ITGAM: variants seen among roughly 807,000 people sequenced by gnomAD.
ITGAM encodes integrin subunit alpha M.
Under a neutral mutation model 137.5 loss-of-function variants are expected in ITGAM, and 79 were observed. That is an observed-to-expected ratio of 0.57 (90% CI 0.48 to 0.69). The LOEUF is 0.69. ITGAM is among the 30% of genes least tolerant of loss of function. The probability of loss-of-function intolerance (pLI) is 0.00; values close to 1 mark genes in which losing one functional copy is unlikely to be tolerated. For missense variants in ITGAM, 1,343 were observed against 1,483.5 expected (o/e 0.91, Z 1.56); for synonymous variants, 583 against 592.3 (o/e 0.98, Z 0.23).
chr16:31,273,388 A>G lies in ITGAM; in HGVS notation c.728A>G (p.Asn243Ser), dbSNP rs757920017. The change falls in exon 8 of 30, where the codon AAC becomes AGC. Residue 243 changes from asparagine to serine, a missense_variant. Transcript: ENST00000544665. ...KVVRELFNIT[N>S]GARKNAFKIL... Reference sequence around the variant, plus strand: ...AGACGAGAGCTGTTTAACATCACCAACGGAGCCCGAAAGAATGCCTTTAAG... The same window carrying G: ...AGACGAGAGCTGTTTAACATCACCAGCGGAGCCCGAAAGAATGCCTTTAAG... 1.2e-6 allele frequency: 2 copies of G among 1,613,800 alleles called. No homozygotes were observed. The highest frequency in any genetic ancestry group is 1.7e-6 in the Non-Finnish European group (2 of 1,179,850).
chr16:31,275,465 C>A, intron 8 of ITGAM, 84 bp from the exon 9 acceptor site: 2 of 1,382,762 alleles, frequency 1.4e-6, no homozygotes, highest in Non-Finnish European at 1.0e-6. Flanking sequence ...AATAATGGTT[C>A]AGACTAGTTT....
chr16:31,270,130 C>CTT lies in ITGAM; in HGVS notation c.428-823_428-822insTT, dbSNP rs770982735. ...CCTTCCTTCCTTCCTTCCTTCCTTC[C>CTT]TCCTTTGCTTTCCTTTCCTTTCCTT... On this transcript the variant is annotated intron_variant, in intron 5 of 29. Coordinates refer to ENST00000544665, the MANE Select transcript of ITGAM (RefSeq NM_000632.4). 3.4e-3 allele frequency among the ~76,000 whole-genome samples: 303 copies of CTT among 90,390 alleles called. 4 individuals carry two copies. Among genetic ancestry groups the CTT allele is most frequent in the African/African-American group, 8.2e-3 (191 of 23,344 alleles). The allele number at this position is 90,390 out of a possible 152,430, so 59.3% of individuals were successfully genotyped here. A position where few individuals can be genotyped will look rare whatever the true frequency, so the allele number is the denominator to read the frequency against.
chr16:31,296,457 AC>A (rs150084426), intron 12 of ITGAM, among the ~76,000 whole-genome samples: 2,237 of 152,216 alleles, frequency 0.015, 69 homozygotes, highest in African/African-American at 0.051. Flanking sequence ...AAAACTATGT[AC>A]TAAAAGGCTG....
intron 14 of ITGAM, among the ~76,000 whole-genome samples, chr16:31,306,459 C>T (rs772429886): frequency 2.6e-5 from 4 of 151,662 alleles, no homozygotes; most frequent in Admixed American, 2.6e-4. Context: ...ACATATAACA[C>T]TCAAACCTTC....
chr16:31,307,297 T>A (rs1232409789), intron 14 of ITGAM, among the ~76,000 whole-genome samples: 1 of 152,194 alleles, frequency 6.6e-6, no homozygotes, highest in African/African-American at 2.4e-5. Flanking sequence ...TGTTCTTCCA[T>A]TTGTTTGTAT....
intron 2 of ITGAM, among the ~76,000 whole-genome samples, chr16:31,262,505 C>G (rs1225501339): frequency 6.6e-6 from 1 of 151,872 alleles, no homozygotes; most frequent in Admixed American, 6.6e-5. Flanking sequence ...TGGGCTCAAG[C>G]AATCCTCCCA....
intron 1 of ITGAM, among the ~76,000 whole-genome samples, chr16:31,260,997 T>TAAG (rs979505626): frequency 6.6e-6 from 1 of 152,230 alleles, no homozygotes; most frequent in Non-Finnish European, 1.5e-5. Flanking sequence ...TCTTGTTATA[T>TAAG]AAGTACTTGT....
At chr16:31,316,434 G>T (rs187013903) in intron 14 of ITGAM, among the ~76,000 whole-genome samples, 34 of 151,900 alleles carry the variant, frequency 2.2e-4, no homozygotes, top group Admixed American at 5.9e-4. Flanking sequence ...AAATGCATGG[G>T]TTCATTTCTG....
chr16:31,269,701 G>T (rs2079807648), intron 5 of ITGAM, among the ~76,000 whole-genome samples: 2 of 152,326 alleles, frequency 1.3e-5, no homozygotes, highest in Admixed American at 1.3e-4. Context: ...AAGCAGGTCT[G>T]TTGCCACCCC....
At chr16:31,277,871 C>G in intron 11 of ITGAM, 96 bp from the exon 12 acceptor site, 1 of 1,274,762 alleles carries the variant, frequency 7.8e-7, no homozygotes, top group South Asian at 1.5e-5. Flanking sequence ...ACACAGCAAG[C>G]GTGGGGCTGC....
At chr16:31,276,341 T>G (rs1259448063) in intron 9 of ITGAM, among the ~76,000 whole-genome samples, 1 of 151,118 alleles carries the variant, frequency 6.6e-6, no homozygotes, top group Non-Finnish European at 1.5e-5. Flanking sequence ...TTTCTTTCTA[T>G]TTTTTTTTGA....
intron 14 of ITGAM, among the ~76,000 whole-genome samples, chr16:31,311,688 G>T (rs541148973): frequency 2.6e-5 from 4 of 152,296 alleles, no homozygotes; most frequent in African/African-American, 9.6e-5. Flanking sequence ...CTGTTGGTGG[G>T]ACTGTAAACT....
intron 14 of ITGAM, among the ~76,000 whole-genome samples, chr16:31,314,271 T>C (rs533607010): frequency 3.0e-4 from 45 of 152,212 alleles, no homozygotes; most frequent in Non-Finnish European, 5.6e-4. Context: ...TTGTTGCAAT[T>C]GCTTTTGGTG....
chr16:31,261,634 A>G (rs1270828004), intron 1 of ITGAM, 58 bp from the exon 2 acceptor site: 1 of 1,108,990 alleles, frequency 9.0e-7, no homozygotes, highest in East Asian at 2.5e-5. Context: ...CTAGGACTAC[A>G]GCCCCTAACT....
At chr16:31,297,431 C>G (rs2080145295) in intron 12 of ITGAM, 83 bp from the exon 13 acceptor site, 1 of 1,562,966 alleles carries the variant, frequency 6.4e-7, no homozygotes, top group African/African-American at 1.4e-5. Context: ...CCCCAGCAGG[C>G]ATAACTTTTC....
chr16:31,271,140 G>A, intron 6 of ITGAM, 56 bp downstream of exon 6: 1 of 1,371,944 alleles, frequency 7.3e-7, no homozygotes, highest in Non-Finnish European at 9.6e-7. Context: ...AAGATACATG[G>A]CAACCGGGCC....
chr16:31,300,577 GA>G (rs1042300095), intron 14 of ITGAM, among the ~76,000 whole-genome samples: 2 of 152,104 alleles, frequency 1.3e-5, no homozygotes, highest in African/African-American at 4.8e-5. Flanking sequence ...TTTTGTGTCT[GA>G]AAAAAATGTC....
At chr16:31,286,269 T>C (rs2080028835) in intron 12 of ITGAM, among the ~76,000 whole-genome samples, 1 of 152,206 alleles carries the variant, frequency 6.6e-6, no homozygotes, top group African/African-American at 2.4e-5. Flanking sequence ...CCTAGGTTGA[T>C]TCCATGTCTT....
chr16:31,306,339 A>G (rs1026940236), intron 14 of ITGAM, among the ~76,000 whole-genome samples: 5 of 152,152 alleles, frequency 3.3e-5, no homozygotes, highest in African/African-American at 1.2e-4. Context: ...CCATCAACAT[A>G]TTAAATTTTC....
Sources: allele counts gnomAD v4.1 joint callset (sites outside exome capture counted in the v4.1 genomes callset), GRCh38; gene constraint gnomAD v4.1.1; transcripts MANE v1.5; gene names NCBI Gene and HGNC (gene_info 2026-07-23, HGNC 2026-07-21).